PSMA3: variants seen among roughly 807,000 people sequenced by gnomAD.
PSMA3 encodes proteasome 20S subunit alpha 3, also known as proteasome subunit alpha type-3.
In PSMA3, 8 loss-of-function variants were observed where a neutral mutation model predicts 40.0. That is an observed-to-expected ratio of 0.20 (90% confidence interval 0.12 to 0.36). The LOEUF is 0.36. PSMA3 is among the 10% of genes least tolerant of loss of function. The pLI, the probability that PSMA3 is intolerant of heterozygous loss-of-function variation, is 1.00. For synonymous variants in PSMA3, 110 were observed against 100.0 expected (o/e 1.10, Z -0.59); for missense variants, 219 against 310.6 (o/e 0.70, Z 2.22).
Position 58,262,705 on chromosome 14 carries a change from G to A in PSMA3, c.478-1000G>A, listed in dbSNP as rs112005264. On this transcript the variant is annotated intron_variant, in intron 6 of 10. Transcript: ENST00000216455. Reference sequence around the variant, plus strand: ...AGCCTCTCAAGTAGCTGGGATTACAGGCCTGTACCATCACACCTGGCTAAT... The same window carrying A: ...AGCCTCTCAAGTAGCTGGGATTACAAGCCTGTACCATCACACCTGGCTAAT... Among the ~76,000 whole-genome samples the A allele has an allele frequency of 4.3e-3, 656 of 151,356 alleles. 8 individuals carry two copies. The highest frequency in any genetic ancestry group is 0.014 in the African/African-American group (587 of 41,228).
At chr14:58,256,261 A>T (rs1245378054) in intron 3 of PSMA3, among the ~76,000 whole-genome samples, 1 of 152,088 alleles carries the variant, frequency 6.6e-6, no homozygotes, top group African/African-American at 2.4e-5. Flanking sequence ...CTTTTAGAAC[A>T]AAACAGTTAC....
chr14:58,259,472 G>A (rs1451802655), intron 5 of PSMA3, among the ~76,000 whole-genome samples: 1 of 151,984 alleles, frequency 6.6e-6, no homozygotes, highest in African/African-American at 2.4e-5. Flanking sequence ...CTGCCACCAC[G>A]CCCGGCTAAT....
At chr14:58,258,718 C>A (rs1268718394) in intron 5 of PSMA3, among the ~76,000 whole-genome samples, 1 of 151,452 alleles carries the variant, frequency 6.6e-6, no homozygotes, top group Non-Finnish European at 1.5e-5. Flanking sequence ...TCAAATTTGG[C>A]TTCACAGAGA....
chr14:58,258,632 T>C (rs1890202692), intron 5 of PSMA3, among the ~76,000 whole-genome samples: 1 of 152,122 alleles, frequency 6.6e-6, no homozygotes, highest in East Asian at 1.9e-4. Flanking sequence ...TTTCTCTTTC[T>C]GTTGAAGTGC....
intron 7 of PSMA3, chr14:58,264,665 T>G (rs1890383654): frequency 6.6e-6 from 1 of 152,204 alleles, no homozygotes; most frequent in African/African-American, 2.4e-5. Flanking sequence ...AGAAAATACT[T>G]ATTAGTGCTT....
chr14:58,256,716 C>T (rs1890153069), intron 3 of PSMA3, among the ~76,000 whole-genome samples: 1 of 151,916 alleles, frequency 6.6e-6, no homozygotes, highest in Admixed American at 6.6e-5. Context: ...CCGGCCTGAG[C>T]ATTTCCTTTG....
chr14:58,270,540 T>G (rs144993170), intron 9 of PSMA3, 55 bp downstream of exon 9: 1 of 1,607,508 alleles, frequency 6.2e-7, no homozygotes, highest in Non-Finnish European at 8.5e-7. Flanking sequence ...CCACAGCTAA[T>G]TTACAACTGA....
At chr14:58,264,211 G>T (rs1280021008) in intron 7 of PSMA3, among the ~76,000 whole-genome samples, 1 of 152,108 alleles carries the variant, frequency 6.6e-6, no homozygotes, top group Admixed American at 6.5e-5. Flanking sequence ...GAATCTCTGT[G>T]AGCTCTAGTT....
chr14:58,252,118 G>A lies in PSMA3; in HGVS notation c.105-1G>A. ...AACTGATTTTCTTCTCCTTGTTTCA[G>A]TACAGCTATTGGAATCAGATGCAAA... On this transcript the variant is annotated splice_acceptor_variant, in intron 2 of 10. Transcript: ENST00000216455. LOFTEE classifies it high-confidence loss of function. 1 of 1,601,934 alleles carries A rather than the reference G, an allele frequency of 6.2e-7. No individual in the cohort carries two copies. Among genetic ancestry groups the A allele is most frequent in the Non-Finnish European group, 8.5e-7 (1 of 1,176,422 alleles).
At chr14:58,247,443 G>A (rs1428163840) in intron 1 of PSMA3, among the ~76,000 whole-genome samples, 7 of 152,140 alleles carry the variant, frequency 4.6e-5, no homozygotes, top group African/African-American at 9.7e-5. Context: ...TTAAATGTTC[G>A]AACTCCAGTG....
chr14:58,252,317 G>A (rs888648006), intron 3 of PSMA3, 75 bp downstream of exon 3: 1 of 1,514,122 alleles, frequency 6.6e-7, no homozygotes, highest in Non-Finnish European at 8.9e-7. Context: ...ATAGATCACT[G>A]TGCAGTCACA....
intron 10 of PSMA3, 91 bp downstream of exon 10, chr14:58,271,089 A>G: frequency 1.3e-5 from 10 of 783,008 alleles, no homozygotes; most frequent in Non-Finnish European, 2.0e-5. Context: ...CAGCACAGCA[A>G]GACCCCCATC....
At chr14:58,245,815 A>T (rs761529805) in intron 1 of PSMA3, among the ~76,000 whole-genome samples, 1 of 152,234 alleles carries the variant, frequency 6.6e-6, no homozygotes. Context: ...CAAGATTCTC[A>T]TGCTCAGCCT....
intron 1 of PSMA3, among the ~76,000 whole-genome samples, chr14:58,246,049 C>T (rs528669158): frequency 3.2e-4 from 48 of 152,106 alleles, no homozygotes; most frequent in Non-Finnish European, 6.5e-4. Flanking sequence ...GATAATGTAA[C>T]CATGTGGGAT....
chr14:58,262,041 T>A (rs1286740330), intron 6 of PSMA3, among the ~76,000 whole-genome samples: 1 of 152,114 alleles, frequency 6.6e-6, no homozygotes, highest in Non-Finnish European at 1.5e-5. Flanking sequence ...GCAATTCTCC[T>A]GTCTCAGCCT....
chr14:58,254,419 C>G (rs1453313009), intron 3 of PSMA3, among the ~76,000 whole-genome samples: 1 of 135,714 alleles, frequency 7.4e-6, no homozygotes, highest in African/African-American at 2.7e-5. Flanking sequence ...CTCACTGCAG[C>G]CTTGCGCTCC....
chr14:58,254,340 A>ATATATATATATATATATATATATGTATG, intron 3 of PSMA3, among the ~76,000 whole-genome samples: 958 of 34,770 alleles, frequency 0.028, 202 homozygotes, highest in Middle Eastern at 0.11. Flanking sequence ...ATGCATATAT[A>ATATATATATATATATATATATATGTATG]TATGTATGTA....
chr14:58,264,453 C>G (rs980381384), intron 7 of PSMA3, among the ~76,000 whole-genome samples: 1 of 152,066 alleles, frequency 6.6e-6, no homozygotes, highest in Non-Finnish European at 1.5e-5. Flanking sequence ...TTTAGCCATG[C>G]GTTGATCAAC....
At chr14:58,245,104 T>A (rs1295987583) in intron 1 of PSMA3, 163 bp downstream of exon 1, 2 of 823,542 alleles carry the variant, frequency 2.4e-6, no homozygotes, top group East Asian at 5.2e-5. Context: ...TTATCCCCTA[T>A]ATGCTAGGCC....
Sources: allele counts gnomAD v4.1 joint callset (sites outside exome capture counted in the v4.1 genomes callset), GRCh38; gene constraint gnomAD v4.1.1; transcripts MANE v1.5; gene names NCBI Gene and HGNC (gene_info 2026-07-23, HGNC 2026-07-21).